The following COL26A1 variants were observed in gnomAD, a reference collection of about 807,000 sequenced individuals.
COL26A1 encodes the protein collagen alpha-1(XXVI) chain.
A neutral mutation model predicts 59.3 loss-of-function variants in COL26A1; 41 were observed. That is an observed-to-expected ratio of 0.69 (90% confidence interval 0.54 to 0.90). The LOEUF is 0.90. COL26A1 is among the 40% of genes least tolerant of loss of function. The probability of loss-of-function intolerance (pLI) is 0.00; values close to 1 mark genes in which losing one functional copy is unlikely to be tolerated. For synonymous variants in COL26A1, 266 were observed against 256.0 expected (o/e 1.04, Z -0.37); for missense variants, 612 against 602.3 (o/e 1.02, Z -0.17).
At chr7:101,435,616 G>T (rs1283646212) in intron 2 of COL26A1, among the ~76,000 whole-genome samples, 1 of 152,178 alleles carries the variant, frequency 6.6e-6, no homozygotes, top group African/African-American at 2.4e-5. Flanking sequence ...GACATTGGGT[G>T]TCACTGACAC....
intron 2 of COL26A1, among the ~76,000 whole-genome samples, chr7:101,423,725 A>ACTCC (rs984941580): frequency 1.1e-4 from 16 of 151,426 alleles, no homozygotes; most frequent in African/African-American, 3.9e-4. Context: ...ACAGAGTGAG[A>ACTCC]CTCCGTCGCA....
Position 101,549,201 on chromosome 7 carries a change from C to T in COL26A1, c.971C>T (p.Pro324Leu), listed in dbSNP as rs1204392855. ...CCTGGGCCTCGAGGTCCCCCAGGAC[C>T]CCCAGGAACACCTGGATCCCAGGTA... ...GPPGPRGPPG[P>L]PGTPGSQGLA... Residue 324 changes from proline to leucine, a missense_variant, in exon 9 of 13, where the codon CCC becomes CTC. Coordinates refer to ENST00000313669, the MANE Select transcript of COL26A1 (RefSeq NM_001278563.3). The T allele has an allele frequency of 1.2e-6, 2 of 1,605,686 alleles. No individual in the cohort carries two copies. The highest frequency in any genetic ancestry group is 2.3e-5 in the East Asian group (1 of 44,074).
chr7:101,520,662 A>ACACACACACACACACCC (rs915256077), intron 3 of COL26A1, among the ~76,000 whole-genome samples: 6 of 143,356 alleles, frequency 4.2e-5, no homozygotes, highest in African/African-American at 1.5e-4. Context: ...ACACACACAC[A>ACACACACACACACACCC]CCCCCGTGTT....
At chr7:101,532,833 CA>C (rs1795397703) in intron 3 of COL26A1, among the ~76,000 whole-genome samples, 1 of 152,192 alleles carries the variant, frequency 6.6e-6, no homozygotes, top group South Asian at 2.1e-4. Flanking sequence ...CTCATGGCAT[CA>C]CCTTGTCTGA....
intron 3 of COL26A1, among the ~76,000 whole-genome samples, chr7:101,509,094 C>T (rs1000898285): frequency 4.6e-5 from 7 of 151,998 alleles, no homozygotes; most frequent in African/African-American, 9.7e-5. Context: ...GGAGCTGATG[C>T]GTCGCATAGC....
rs1795853074 is a variant in COL26A1 at position 101,551,144 on chromosome 7, G to GT, written c.1029+2dup. The GT allele has an allele frequency of 2.0e-6, 3 of 1,481,332 alleles. No homozygotes were observed. Among genetic ancestry groups the GT allele is most frequent in the East Asian group, 6.4e-5 (2 of 31,250 alleles). 91.8% of individuals were successfully genotyped at this position (1,481,332 alleles called of 1,614,324 possible). A position where few individuals can be genotyped will look rare whatever the true frequency, so the allele number is the denominator to read the frequency against. On this transcript the variant is annotated splice_donor_variant, in intron 10 of 12. Coordinates refer to ENST00000313669, the MANE Select transcript of COL26A1 (RefSeq NM_001278563.3). LOFTEE classifies it high-confidence loss of function. Reference sequence around the variant, plus strand: ...AGAGCGAGGCACAGTGGGGCCGTCCGTAAGTGTGGGCTGTGCAGATGGGCC... The same window carrying GT: ...AGAGCGAGGCACAGTGGGGCCGTCCGTTAAGTGTGGGCTGTGCAGATGGGCC...
At chr7:101,403,663 C>T (rs1792064906) in intron 1 of COL26A1, among the ~76,000 whole-genome samples, 2 of 152,178 alleles carry the variant, frequency 1.3e-5, no homozygotes, top group South Asian at 4.1e-4. Context: ...CAGCATGAAC[C>T]ACCGTGCCCA....
chr7:101,455,031 TTTTC>T (rs1302363169), intron 3 of COL26A1, among the ~76,000 whole-genome samples: 1 of 146,442 alleles, frequency 6.8e-6, no homozygotes, highest in Non-Finnish European at 1.5e-5. Flanking sequence ...AAACAAAATT[TTTTC>T]TTTATCTTTT....
intron 3 of COL26A1, among the ~76,000 whole-genome samples, chr7:101,453,574 C>G (rs372466304): frequency 6.6e-6 from 1 of 152,122 alleles, no homozygotes; most frequent in Non-Finnish European, 1.5e-5. Context: ...CTTCAAGCAC[C>G]TTGCTCAGGA....
intron 5 of COL26A1, among the ~76,000 whole-genome samples, chr7:101,541,363 G>C (rs958299793): frequency 5.3e-5 from 8 of 152,004 alleles, no homozygotes; most frequent in African/African-American, 1.9e-4. Context: ...ATTTTATTTT[G>C]AGACAATGTA....
intron 3 of COL26A1, among the ~76,000 whole-genome samples, chr7:101,527,569 C>T (rs1795274561): frequency 6.6e-6 from 1 of 151,464 alleles, no homozygotes; most frequent in Non-Finnish European, 1.5e-5. Flanking sequence ...CTCTTAACCT[C>T]GTGATCCGCC....
At chr7:101,440,479 T>A (rs1470975284) in intron 2 of COL26A1, among the ~76,000 whole-genome samples, 2 of 152,000 alleles carry the variant, frequency 1.3e-5, no homozygotes, top group Non-Finnish European at 1.5e-5. Context: ...TTTCCAAGAC[T>A]GGGGAAATGG....
At chr7:101,537,933 C>T (rs926339249) in intron 4 of COL26A1, among the ~76,000 whole-genome samples, 14 of 152,078 alleles carry the variant, frequency 9.2e-5, no homozygotes, top group African/African-American at 3.4e-4. Context: ...AACCCACCCC[C>T]GCCAACTTAT....
At chr7:101,552,461 A>T (rs1246806915) in intron 10 of COL26A1, among the ~76,000 whole-genome samples, 2 of 152,072 alleles carry the variant, frequency 1.3e-5, no homozygotes, top group East Asian at 3.9e-4. Flanking sequence ...TAAAAATATT[A>T]AAAAATTAGC....
chr7:101,388,485 A>G (rs188558785), intron 1 of COL26A1, among the ~76,000 whole-genome samples: 2 of 151,976 alleles, frequency 1.3e-5, no homozygotes, highest in East Asian at 3.9e-4. Context: ...AAAACAGACA[A>G]ACAAAAAGCC....
At chr7:101,533,839 G>A (rs1795421229) in intron 4 of COL26A1, among the ~76,000 whole-genome samples, 1 of 152,204 alleles carries the variant, frequency 6.6e-6, no homozygotes, top group Admixed American at 6.5e-5. Flanking sequence ...TCCTCACTGG[G>A]TAACACTTAC....
chr7:101,458,248 T>A (rs1180023450), intron 3 of COL26A1, among the ~76,000 whole-genome samples: 1 of 152,164 alleles, frequency 6.6e-6, no homozygotes, highest in Non-Finnish European at 1.5e-5. Flanking sequence ...CACCAGTAGA[T>A]GTCCTACCAG....
At chr7:101,551,283 C>T in intron 10 of COL26A1, 140 bp downstream of exon 10, 1 of 904,746 alleles carries the variant, frequency 1.1e-6, no homozygotes, top group Non-Finnish European at 1.7e-6. Flanking sequence ...CAGGGAGGGA[C>T]TGAGAAAGGA....
chr7:101,536,396 G>A (rs1350506100), intron 4 of COL26A1, among the ~76,000 whole-genome samples: 3 of 152,250 alleles, frequency 2.0e-5, no homozygotes, highest in Non-Finnish European at 4.4e-5. Flanking sequence ...AGCTGGGCTA[G>A]TTGCCAAGAC....
Sources: gnomAD v4.1 joint callset for allele counts (sites outside exome capture counted in the v4.1 genomes callset) on GRCh38, gnomAD v4.1.1 for gene constraint, MANE v1.5 for transcripts, NCBI Gene and HGNC (gene_info 2026-07-23, HGNC 2026-07-21) for gene names.